CSMD1: variants seen among roughly 807,000 people sequenced by gnomAD.
CSMD1 encodes the protein CUB and Sushi multiple domains 1.
A neutral mutation model predicts 417.5 loss-of-function variants in CSMD1; 213 were observed. The ratio of observed to expected loss-of-function variants is 0.51; its 90% CI spans 0.46 to 0.57. CSMD1 has a LOEUF of 0.57. Ranked by LOEUF, CSMD1 falls within the 20% of genes least tolerant of loss-of-function variation. The pLI is 0.00. For missense variants in CSMD1, 6,923 were observed against 4,529.7 expected (o/e 1.53, Z -15.17); for synonymous variants, 2,862 against 1,736.8 (o/e 1.65, Z -16.11).
intron 2 of CSMD1, among the ~76,000 whole-genome samples, chr8:4,635,642 C>T (rs1025608954): frequency 6.6e-6 from 1 of 152,066 alleles, no homozygotes; most frequent in Non-Finnish European, 1.5e-5. Context: ...TTGTCTAATT[C>T]TTTTTTCTGT....
intron 61 of CSMD1, among the ~76,000 whole-genome samples, chr8:2,961,605 G>A (rs10216728): frequency 0.018 from 2,772 of 152,014 alleles, 86 homozygotes; most frequent in African/African-American, 0.064. Context: ...ACATTATTCT[G>A]AGTTTCTTTA....
intron 3 of CSMD1, among the ~76,000 whole-genome samples, chr8:4,176,445 CCTTTT>C (rs1798045962): frequency 6.6e-6 from 1 of 152,018 alleles, no homozygotes; most frequent in South Asian, 2.1e-4. Context: ...GCTTTCCTTT[CCTTTT>C]TGATTATTTT....
At position 2,966,558 on chromosome 8, in the gene CSMD1, C is replaced by T; in HGVS notation, c.9100+12G>A. On this transcript the variant is annotated intron_variant, in intron 58 of 69. Transcript: ENST00000635120. ...GTAACGTCTGAGTCTACCATGATGT[C>T]TGCTTACTAACTTGTGCAGTCGGGA... 1 of 1,610,254 alleles carries T rather than the reference C, an allele frequency of 6.2e-7. No homozygotes were observed. The highest frequency in any genetic ancestry group is 8.5e-7 in the Non-Finnish European group (1 of 1,177,158).
At chr8:3,444,520 T>G (rs981964540) in intron 12 of CSMD1, among the ~76,000 whole-genome samples, 1 of 152,108 alleles carries the variant, frequency 6.6e-6, no homozygotes, top group Non-Finnish European at 1.5e-5. Flanking sequence ...ATTGGGACAT[T>G]TGGCAATGTC....
intron 1 of CSMD1, among the ~76,000 whole-genome samples, chr8:4,912,441 G>A (rs1047139720): frequency 1.1e-4 from 16 of 152,072 alleles, no homozygotes. Flanking sequence ...GCTGGACAAG[G>A]ATTGAAGGTG....
intron 2 of CSMD1, among the ~76,000 whole-genome samples, chr8:4,449,701 G>T (rs73660850): frequency 6.6e-6 from 1 of 152,070 alleles, no homozygotes; most frequent in Non-Finnish European, 1.5e-5. Flanking sequence ...GGAGAGAGAG[G>T]GAGTATGGGG....
In CSMD1 at chr8:4,707,227, T is replaced by C. The variant is rs117829287; in HGVS notation, c.86-69669A>G. ...CTGTTGTTAAAGGCTTTCTATACAT[T>C]ATCTCATTTTCATTCTTACAACGGT... On this transcript the variant is annotated intron_variant, in intron 1 of 69. Coordinates refer to ENST00000635120, the MANE Select transcript of CSMD1 (RefSeq NM_033225.6). Among the ~76,000 whole-genome samples the C allele has an allele frequency of 1.7e-3, 261 of 152,332 alleles. 1 individual carries two copies. Among genetic ancestry groups the C allele is most frequent in the Non-Finnish European group, 2.0e-3 (139 of 68,030 alleles).
At chr8:4,173,414 A>G (rs141069212) in intron 3 of CSMD1, among the ~76,000 whole-genome samples, 219 of 152,248 alleles carry the variant, frequency 1.4e-3, no homozygotes, top group African/African-American at 5.1e-3. Flanking sequence ...TAACGTGGTG[A>G]CTACAGAGGT....
intron 12 of CSMD1, among the ~76,000 whole-genome samples, chr8:3,439,154 CA>C (rs1563390150): frequency 3.8e-5 from 1 of 26,620 alleles, no homozygotes; most frequent in Admixed American, 5.8e-4. Flanking sequence ...AAAAAAAAAC[CA>C]AGAAAAAAAA....
At chr8:4,299,855 T>G (rs772760325) in intron 3 of CSMD1, among the ~76,000 whole-genome samples, 1 of 152,070 alleles carries the variant, frequency 6.6e-6, no homozygotes, top group Non-Finnish European at 1.5e-5. Flanking sequence ...GGTCTCGATC[T>G]CCTGACTTCA....
intron 1 of CSMD1, among the ~76,000 whole-genome samples, chr8:4,874,946 A>T (rs1802957601): frequency 1.3e-5 from 2 of 150,862 alleles, no homozygotes. Flanking sequence ...TTTTCATTTC[A>T]TTTTTATCTT....
intron 7 of CSMD1, among the ~76,000 whole-genome samples, chr8:3,632,513 G>A (rs900425934): frequency 3.9e-5 from 6 of 152,114 alleles, no homozygotes; most frequent in South Asian, 4.1e-4. Flanking sequence ...TGTGATGGGC[G>A]TTGAAGATGA....
chr8:4,922,484 T>C (rs1051020423), intron 1 of CSMD1, among the ~76,000 whole-genome samples: 2 of 152,188 alleles, frequency 1.3e-5, no homozygotes, highest in Non-Finnish European at 2.9e-5. Flanking sequence ...TTTTATGTAT[T>C]CTTCCTACCT....
At chr8:3,667,526 G>C (rs1488716951) in intron 7 of CSMD1, among the ~76,000 whole-genome samples, 2 of 152,090 alleles carry the variant, frequency 1.3e-5, no homozygotes, top group Non-Finnish European at 2.9e-5. Flanking sequence ...GGAGCTGTTG[G>C]GATGAGGTCA....
At chr8:3,745,315 A>G (rs576079755) in intron 6 of CSMD1, among the ~76,000 whole-genome samples, 1 of 152,326 alleles carries the variant, frequency 6.6e-6, no homozygotes, top group East Asian at 1.9e-4. Flanking sequence ...CAGCTCTGCA[A>G]GAACCTGGTT....
intron 1 of CSMD1, among the ~76,000 whole-genome samples, chr8:4,986,633 T>C (rs1237043985): frequency 1.3e-5 from 2 of 152,088 alleles, no homozygotes; most frequent in Admixed American, 1.3e-4. Flanking sequence ...TATTTTTATA[T>C]GAAAGAGCAT....
At chr8:3,303,286 T>C (rs1010952344) in intron 25 of CSMD1, among the ~76,000 whole-genome samples, 2 of 152,112 alleles carry the variant, frequency 1.3e-5, no homozygotes, top group Non-Finnish European at 2.9e-5. Flanking sequence ...CCTACTGGGA[T>C]CTGGAAGGTT....
At chr8:3,373,155 C>T (rs190874738) in intron 18 of CSMD1, among the ~76,000 whole-genome samples, 21 of 152,318 alleles carry the variant, frequency 1.4e-4, no homozygotes, top group Admixed American at 5.9e-4. Flanking sequence ...TCATATCCAA[C>T]TATGTTTAAC....
chr8:3,696,373 T>C (rs1800553408), intron 7 of CSMD1, among the ~76,000 whole-genome samples: 1 of 152,218 alleles, frequency 6.6e-6, no homozygotes, highest in South Asian at 2.1e-4. Flanking sequence ...CTTTGACTTG[T>C]CGTATACTTT....
Sources: allele counts gnomAD v4.1 joint callset (sites outside exome capture counted in the v4.1 genomes callset), GRCh38; gene constraint gnomAD v4.1.1; transcripts MANE v1.5; gene names NCBI Gene and HGNC (gene_info 2026-07-23, HGNC 2026-07-21).